Variants in TUBGCP2 observed in about 807,000 individuals in gnomAD.
TUBGCP2 encodes tubulin gamma complex component 2.
A neutral mutation model predicts 92.2 loss-of-function variants in TUBGCP2; 55 were observed. The observed-to-expected ratio is 0.60, with a 90% CI of 0.48 to 0.75. The LOEUF (loss-of-function observed/expected upper bound fraction) is 0.75, where lower values mean the gene tolerates loss of function less well. TUBGCP2 is among the 30% of genes least tolerant of loss of function. The probability of loss-of-function intolerance (pLI) is 0.00; values close to 1 mark genes in which losing one functional copy is unlikely to be tolerated. For missense variants in TUBGCP2, 1,093 were observed against 1,188.9 expected, an observed-to-expected ratio of 0.92 and a Z score of 1.19; for synonymous variants, 533 against 505.2, an observed-to-expected ratio of 1.06 and a Z score of -0.74.
At chr10:133,311,041 G>A (rs1341788226), upstream of TUBGCP2, among the ~76,000 whole-genome samples, 2 of 152,192 alleles carry the variant, frequency 1.3e-5, no homozygotes, top group African/African-American at 4.8e-5. Flanking sequence ...GGCTCAAGCC[G>A]TCCATCTGCC....
chr10:133,305,674 C>T (rs890226111), intron 1 of TUBGCP2, among the ~76,000 whole-genome samples: 1 of 152,136 alleles, frequency 6.6e-6, no homozygotes, highest in African/African-American at 2.4e-5. Flanking sequence ...GGACTCGACA[C>T]CGAGATTCTA....
At chr10:133,293,853 C>T (rs1223907239) in intron 5 of TUBGCP2, 84 bp from the exon 6 acceptor site, 2 of 1,300,308 alleles carry the variant, frequency 1.5e-6, no homozygotes, top group Admixed American at 2.0e-5. Context: ...GGGTCAGTCT[C>T]ACTCTTGCTC....
intron 1 of TUBGCP2, among the ~76,000 whole-genome samples, chr10:133,305,650 C>T (rs1589838366): frequency 6.6e-6 from 1 of 152,036 alleles, no homozygotes; most frequent in African/African-American, 2.4e-5. Flanking sequence ...AATTCACTAA[C>T]GATTATTAGC....
chr10:133,309,846 C>T (rs368516549), upstream of TUBGCP2: 1 of 1,613,658 alleles, frequency 6.2e-7, no homozygotes, highest in Non-Finnish European at 8.5e-7. Flanking sequence ...CTACGAGCAC[C>T]ACTACCACAC....
intron 11 of TUBGCP2, among the ~76,000 whole-genome samples, chr10:133,286,671 C>T (rs537295198): frequency 6.6e-6 from 1 of 152,292 alleles, no homozygotes; most frequent in South Asian, 2.1e-4. Context: ...CAATACATTT[C>T]ACAAAACTGA....
At chr10:133,280,043 GT>G (rs1484903641) in intron 17 of TUBGCP2, 142 bp from the exon 18 acceptor site, 1 of 1,347,824 alleles carries the variant, frequency 7.4e-7, no homozygotes, top group East Asian at 2.6e-5. Context: ...AGGAAGGACA[GT>G]GGAGCTGGGG....
At chr10:133,311,690 A>G (rs1847991785), upstream of TUBGCP2, 1 of 1,597,010 alleles carries the variant, frequency 6.3e-7, no homozygotes, top group Non-Finnish European at 8.6e-7. Flanking sequence ...CGTGCAGGGC[A>G]GTTACTCACT....
At chr10:133,298,872 C>T (rs117525583) in intron 4 of TUBGCP2, among the ~76,000 whole-genome samples, 3,358 of 152,342 alleles carry the variant, frequency 0.022, 115 homozygotes, top group Admixed American at 0.1. Context: ...GAGGCTAGGA[C>T]GCCTCAGGGA....
chr10:133,283,099 G>C lies in TUBGCP2; in HGVS notation c.2268C>G (p.Val756=), dbSNP rs753825803. The C allele has an allele frequency of 1.2e-6, 2 of 1,614,104 alleles. No individual in the cohort carries two copies. The highest frequency in any genetic ancestry group is 1.1e-5 in the South Asian group (1 of 91,088). ...KVFSKLMSVC[V]MFTNCMQKFT... is the part of the protein sequence containing the mutation. ...GCACCTGCATGCAGTTGGTGAACAT[G>C]ACGCACACAGACATGAGCTTGGAGA... The change falls in exon 15 of 18, where the codon GTC becomes GTG. Residue 756 remains valine (V), a synonymous_variant. Coordinates refer to ENST00000252936, the MANE Select transcript of TUBGCP2 (RefSeq NM_006659.4).
chr10:133,309,128 T>C (rs1298474252), upstream of TUBGCP2: 3 of 1,361,420 alleles, frequency 2.2e-6, no homozygotes, highest in East Asian at 5.6e-5. Context: ...AAAGTAGTTG[T>C]AGGATCCAGT....
chr10:133,285,358 G>A lies in TUBGCP2; in HGVS notation c.1895+98C>T, dbSNP rs760134124. On this transcript the variant is annotated intron_variant, in intron 12 of 17. Transcript: ENST00000252936. This position sits in a 1 kb window ranked among gnomAD's most constrained non-coding sequence, Gnocchi z 6.8. ...CTGAAGGCCGGGGAGAGCCGCCTTG[G>A]GTCCTCTGTGGGACGAGGTGGCCAC... 1.3e-6 allele frequency: 2 copies of A among 1,593,176 alleles called. No homozygotes were observed. Among genetic ancestry groups the A allele is most frequent in the Admixed American group, 1.8e-5 (1 of 56,024 alleles).
Position 133,283,872 on chromosome 10 carries a change from TA to T in TUBGCP2, c.2145+9del, listed in dbSNP as rs1420943215. The T allele has an allele frequency of 5.0e-6, 8 of 1,613,586 alleles. No homozygotes were observed. Among genetic ancestry groups the T allele is most frequent in the Non-Finnish European group, 6.8e-6 (8 of 1,179,742 alleles). On this transcript the variant is annotated intron_variant, in intron 14 of 17. Transcript: ENST00000252936. ...TTTCAAACGTTATTATCTGTGGAGC[TA>T]AAACTCACGGATTTCAGGTTTTTCT...
upstream of TUBGCP2, among the ~76,000 whole-genome samples, chr10:133,311,246 G>T (rs1221358439): frequency 2.0e-5 from 3 of 152,134 alleles, no homozygotes; most frequent in Non-Finnish European, 4.4e-5. Flanking sequence ...TAAAAGAACT[G>T]GGAGAACCCA....
chr10:133,293,540 A>C, intron 6 of TUBGCP2, 22 bp downstream of exon 6: 1 of 1,549,006 alleles, frequency 6.5e-7, no homozygotes, highest in Non-Finnish European at 8.7e-7. Flanking sequence ...GCAGGCTCCC[A>C]GGGACCGCGC....
At chr10:133,284,650 T>C (rs1847083893) in intron 13 of TUBGCP2, among the ~76,000 whole-genome samples, 1 of 152,238 alleles carries the variant, frequency 6.6e-6, no homozygotes, top group Non-Finnish European at 1.5e-5. Flanking sequence ...CATGAGCCAC[T>C]GCACCCGACT....
chr10:133,290,305 C>G (rs11101678), intron 8 of TUBGCP2: 14,266 of 227,542 alleles, frequency 0.063, 977 homozygotes, highest in East Asian at 0.35. Context: ...CCATCCTGGC[C>G]AACACAGTGA....
In TUBGCP2 at chr10:133,282,256, G is replaced by C. The variant is rs564338566; in HGVS notation, c.2376C>G (p.Ala792=). The C allele has an allele frequency of 1.9e-6, 3 of 1,611,388 alleles. No individual in the cohort carries two copies. Among genetic ancestry groups the C allele is most frequent in the South Asian group, 1.1e-5 (1 of 90,822 alleles). ...CGAGCTCCTTCCGGGCCCGCTCCTC[G>C]GCCCCTGCGGGCAGCCCCAGGACGG... ...HSTVLGLPAG[A]EERARKELAR... The change falls in exon 16 of 18, where the codon GCC becomes GCG. Residue 792 remains alanine (A), a synonymous_variant. Coordinates refer to ENST00000252936, the MANE Select transcript of TUBGCP2 (RefSeq NM_006659.4).
chr10:133,309,914 G>A (rs375086238), upstream of TUBGCP2: 18 of 1,613,626 alleles, frequency 1.1e-5, no homozygotes, highest in African/African-American at 1.7e-4. Flanking sequence ...GACACCTGCT[G>A]GACGCCCACA....
chr10:133,289,439 C>T (rs1471724374), intron 9 of TUBGCP2, among the ~76,000 whole-genome samples: 3 of 152,084 alleles, frequency 2.0e-5, no homozygotes, highest in Non-Finnish European at 4.4e-5. Flanking sequence ...CAGGTCAGGC[C>T]CTAACCTGTG....
Sources: gnomAD v4.1 joint callset for allele counts (sites outside exome capture counted in the v4.1 genomes callset) on GRCh38, gnomAD v4.1.1 for gene constraint, Gnocchi (gnomAD v3.1) non-coding constraint, MANE v1.5 for transcripts, NCBI Gene and HGNC (gene_info 2026-07-23, HGNC 2026-07-21) for gene names.